Variants in CUL4B observed in about 807,000 individuals in gnomAD.
CUL4B encodes the protein cullin 4B, also known as cullin-4B.
A neutral mutation model predicts 69.2 loss-of-function variants in CUL4B; 1 was observed. The observed-to-expected ratio is 0.01, with a 90% CI of 0.01 to 0.07. CUL4B has a LOEUF of 0.07. Among genes scored for constraint, CUL4B ranks in the 10% least tolerant of loss-of-function variants. The probability of loss-of-function intolerance (pLI) is 1.00; values close to 1 mark genes in which losing one functional copy is unlikely to be tolerated. For synonymous variants in CUL4B, 237 were observed against 223.2 expected (o/e 1.06, Z -0.55); for missense variants, 328 against 638.8 (o/e 0.51, Z 5.24).
chrX:120,548,576 G>A (rs965915774), intron 2 of CUL4B, among the ~76,000 whole-genome samples: 2 of 111,655 alleles, frequency 1.8e-5, no homozygotes, highest in East Asian at 5.6e-4. Flanking sequence ...GCTCATGCTT[G>A]TAATCCCAGC....
rs1352313722 is a variant in CUL4B, at chrX:120,524,266, T to A, written c.*2495A>T. On this transcript the variant is annotated 3_prime_UTR_variant, in exon 20 of 20. Transcript: ENST00000371322. Reference sequence around the variant, plus strand: ...GCAGAGCAAATGCCATAACTAAGAGTAATCTTTTCTTCTCCCCTGAACTCA... The same window carrying A: ...GCAGAGCAAATGCCATAACTAAGAGAAATCTTTTCTTCTCCCCTGAACTCA... Among the ~76,000 whole-genome samples the A allele has an allele frequency of 9.0e-6, 1 of 111,439 alleles. No homozygotes were observed. The highest frequency in any genetic ancestry group is 1.9e-5 in the Non-Finnish European group (1 of 52,988).
chrX:120,561,643 C>T (rs1299489601), upstream of CUL4B, among the ~76,000 whole-genome samples: 1 of 107,383 alleles, frequency 9.3e-6, no homozygotes, highest in Non-Finnish European at 1.9e-5. Flanking sequence ...GCTGGGAAAA[C>T]GGAGGAGGAG....
At chrX:120,547,100 A>G in intron 3 of CUL4B, 36 bp downstream of exon 3, 1 of 1,002,757 alleles carries the variant, frequency 1.0e-6, no homozygotes, top group Non-Finnish European at 1.4e-6. Flanking sequence ...AGAGGAAGAC[A>G]AAACTATTCA....
intron 1 of CUL4B, among the ~76,000 whole-genome samples, chrX:120,575,203 G>A (rs564389017): frequency 8.0e-5 from 9 of 112,279 alleles, no homozygotes; most frequent in Middle Eastern, 4.6e-3. Flanking sequence ...AATAAAGGCT[G>A]TAACTTTTAA....
chrX:120,543,550 C>A (rs1924139020), intron 8 of CUL4B, among the ~76,000 whole-genome samples, 177 bp downstream of exon 8: 1 of 109,091 alleles, frequency 9.2e-6, no homozygotes, highest in South Asian at 3.9e-4. Flanking sequence ...TAATCGAATC[C>A]TTGGATGAAA....
In CUL4B at chrX:120,524,528, T is replaced by A. The variant is rs1464492142; in HGVS notation, c.*2233A>T. ...AACAAAATCAACAAATGTGAGTTCA[T>A]TAGAAGTTGTTAGGAAGATTTTAAG... On this transcript the variant is annotated 3_prime_UTR_variant, in exon 20 of 20. Transcript: ENST00000371322. 8.9e-6 allele frequency: 1 copy of A among 112,133 alleles called. No homozygotes were observed. The highest frequency in any genetic ancestry group is 1.9e-5 in the Non-Finnish European group (1 of 53,168). 9.2% of individuals were successfully genotyped at this position (112,133 alleles called of 1,213,427 possible).
intron 2 of CUL4B, among the ~76,000 whole-genome samples, chrX:120,550,243 G>A (rs1229832097): frequency 8.9e-6 from 1 of 111,925 alleles, no homozygotes; most frequent in Non-Finnish European, 1.9e-5. Flanking sequence ...TTGTCTCTCT[G>A]ACTCCTTAAT....
chrX:120,541,568 TAA>T lies in CUL4B; in HGVS notation c.1443+32_1443+33del, dbSNP rs1300016514. 1.1e-5 allele frequency: 10 copies of T among 920,932 alleles called. No individual in the cohort carries two copies. The East Asian group carries it at 2.5e-4, about 23-fold the overall frequency. 75.9% of individuals were successfully genotyped at this position (920,932 alleles called of 1,213,427 possible). A position where few individuals can be genotyped will look rare whatever the true frequency, so the allele number is the denominator to read the frequency against. ...GCACTCTTGATGTGTAGATAAGCCATAAGAGAGAAAAATCACAGGTAAATTGT... is the reference window on the plus strand; with the variant it reads ...GCACTCTTGATGTGTAGATAAGCCATGAGAGAAAAATCACAGGTAAATTGT... On this transcript the variant is annotated intron_variant, in intron 10 of 19. Coordinates refer to ENST00000371322, the MANE Select transcript of CUL4B (RefSeq NM_001079872.2).
Position 120,538,178 on chromosome X carries a change from T to C in CUL4B, c.1884A>G (p.Glu628=). 4 of 1,200,865 alleles carry C rather than the reference T, an allele frequency of 3.3e-6. No homozygotes were observed. The highest frequency in any genetic ancestry group is 4.5e-6 in the Non-Finnish European group (4 of 886,205). The part of the protein sequence containing the change: ...ECGAAFTSKL[E]GMFKDMELSK... ...AAAGTTCCATGTCTTTAAACATTCCTTCAAGTTTGCTGGTGAAAGCAGCTC... is the reference window on the plus strand; with the variant it reads ...AAAGTTCCATGTCTTTAAACATTCCCTCAAGTTTGCTGGTGAAAGCAGCTC... The change falls in exon 14 of 20, where the codon GAA becomes GAG. Residue 628 remains glutamate (E), a synonymous_variant. Coordinates refer to ENST00000371322, the MANE Select transcript of CUL4B (RefSeq NM_001079872.2).
chrX:120,553,675 G>A (rs1924812706), intron 2 of CUL4B, among the ~76,000 whole-genome samples: 1 of 111,114 alleles, frequency 9.0e-6, no homozygotes, highest in Non-Finnish European at 1.9e-5. Flanking sequence ...AGGCCAAGGC[G>A]GGATGACTGC....
intron 14 of CUL4B, among the ~76,000 whole-genome samples, chrX:120,537,562 C>T (rs374157710): frequency 2.7e-5 from 3 of 111,553 alleles, no homozygotes; most frequent in Admixed American, 9.5e-5. Context: ...ATCTTACTGA[C>T]CCTGATTTTT....
At chrX:120,538,567 G>T in intron 13 of CUL4B, 93 bp downstream of exon 13, 1 of 623,865 alleles carries the variant, frequency 1.6e-6, no homozygotes, top group Non-Finnish European at 2.7e-6. Flanking sequence ...ACATAGACAT[G>T]AGTGACAAAA....
intron 18 of CUL4B, among the ~76,000 whole-genome samples, chrX:120,531,359 C>T (rs1253738172): frequency 9.2e-6 from 1 of 108,413 alleles, no homozygotes; most frequent in Non-Finnish European, 1.9e-5. Context: ...TTGCATTAAA[C>T]CTTATTGGAA....
chrX:120,566,373 ATATATATATATATATATG>A (rs1400420810), upstream of CUL4B, among the ~76,000 whole-genome samples: 1 of 64,965 alleles, frequency 1.5e-5, no homozygotes, highest in Non-Finnish European at 3.4e-5. Flanking sequence ...ATATATATAT[ATATATATATATATATATG>A]TATATATATT....
intron 2 of CUL4B, among the ~76,000 whole-genome samples, chrX:120,549,035 A>G (rs1924513471): frequency 8.9e-6 from 1 of 111,881 alleles, no homozygotes; most frequent in African/African-American, 3.2e-5. Flanking sequence ...AACAACAGGC[A>G]TGCTAAAACT....
At position 120,546,574 on chromosome X, in the gene CUL4B, T is replaced by A; in HGVS notation, c.819A>T (p.Arg273Ser). 1 of 1,205,096 alleles carries A rather than the reference T, an allele frequency of 8.3e-7. No homozygotes were observed. Among genetic ancestry groups the A allele is most frequent in the Non-Finnish European group, 1.1e-6 (1 of 890,048 alleles). Residue 273 changes from arginine (R) to serine (S), a missense_variant, in exon 4 of 20, where the codon AGA (arginine) becomes AGT (serine). Arg to Ser is a moderately radical substitution (Grantham distance 110). Transcript: ENST00000371322. ...TTTGTCTGCAATGGTTTTGCCAGCA[T>A]CTATCAATCTTCTTTAAAAAAAGAA... is the stretch of plus-strand genomic sequence containing the variant. ...DSVLFLKKID[R>S]CWQNHCRQMI...
rs1485487402 is a variant in CUL4B, at chrX:120,534,380, CA to C, written c.2266+100del. On this transcript the variant is annotated intron_variant, in intron 17 of 19. Transcript: ENST00000371322. ...ATTAAAAAAAAAGAAAAAAAAAACT[CA>C]AAACAGTTCTGAGGCAAGGAATTAT... 2.8e-5 allele frequency: 17 copies of C among 606,135 alleles called. No individual in the cohort carries two copies. The African/African-American group carries it at 3.5e-4, about 12-fold the overall frequency. The allele number at this position is 606,135 out of a possible 1,213,427, so 50.0% of individuals were successfully genotyped here.
At chrX:120,538,368 A>G in intron 13 of CUL4B, 159 bp from the exon 14 acceptor site, 1 of 430,408 alleles carries the variant, frequency 2.3e-6, no homozygotes, top group Non-Finnish European at 4.0e-6. Flanking sequence ...ATGCCCCATT[A>G]ATTCAGAGTC....
Position 120,543,749 on chromosome X carries a change from T to C in CUL4B, c.1234A>G (p.Thr412Ala). ...RLEEEADRLI[T>A]YLDQTTQKSL... The stretch of plus-strand genomic sequence containing the variant: ...TACTGGGTGGTCTGATCTAAGTAAG[T>C]AATAAGTCTGTCTGCTTCTTCTTCT... The change falls in exon 8 of 20, where the codon ACT becomes GCT. Residue 412 changes from threonine (T) to alanine (A), a missense_variant. Thr to Ala is a moderately conservative substitution (Grantham distance 58, BLOSUM62 0). Around this residue, in one of 4 missense-constraint regions of CUL4B, gnomAD observed 126 missense variants for 202.5 expected, o/e 0.62. Coordinates refer to ENST00000371322, the MANE Select transcript of CUL4B (RefSeq NM_001079872.2). The C allele has an allele frequency of 8.3e-7, 1 of 1,200,514 alleles. No homozygotes were observed. The highest frequency in any genetic ancestry group is 1.1e-6 in the Non-Finnish European group (1 of 885,303).
Sources: gnomAD v4.1 joint callset for allele counts (sites outside exome capture counted in the v4.1 genomes callset) on GRCh38, gnomAD v4.1.1 for gene constraint, gnomAD v4.1.1 regional missense constraint, MANE v1.5 for transcripts, NCBI Gene and HGNC (gene_info 2026-07-23, HGNC 2026-07-21) for gene names.